The following INF2 variants were observed in gnomAD, a reference collection of about 807,000 sequenced individuals.
The protein encoded by INF2 is inverted formin 2, also known as inverted formin-2.
Under a neutral mutation model 123.5 loss-of-function variants are expected in INF2, and 43 were observed. The observed-to-expected ratio is 0.35, with a 90% confidence interval of 0.27 to 0.45. INF2 has a LOEUF of 0.45. Ranked by LOEUF, INF2 falls within the 20% of genes least tolerant of loss-of-function variation. The pLI is 1.00. For synonymous variants in INF2, 851 were observed against 745.0 expected (o/e 1.14, Z -2.32); for missense variants, 1,453 against 1,682.7 (o/e 0.86, Z 2.39).
Position 104,714,239 on chromosome 14 carries a change from G to T in INF2, c.3077G>T (p.Ser1026Ile). 6.4e-7 allele frequency: 1 copy of T among 1,571,774 alleles called. No individual in the cohort carries two copies. The highest frequency in any genetic ancestry group is 8.6e-7 in the Non-Finnish European group (1 of 1,160,550). The change falls in exon 21 of 23, where the codon AGC becomes ATC. Residue 1026 changes from serine (S) to isoleucine (I), a missense_variant. Coordinates refer to ENST00000392634, the MANE Select transcript of INF2 (RefSeq NM_022489.4). ...TSNPAGDPVGSTRCPASEPGL... is the reference protein window; with the variant it reads ...TSNPAGDPVGITRCPASEPGL... ...AACCCTGCAGGAGATCCCGTGGGCA[G>T]CACGCGCTGTCCCGCCTCTGAGCCC...
At chr14:104,683,786 T>C (rs1357208618) in intron 1 of INF2, among the ~76,000 whole-genome samples, 1 of 151,946 alleles carries the variant, frequency 6.6e-6, no homozygotes, top group African/African-American at 2.4e-5. Context: ...AAGATCCAAT[T>C]CATCAGCCTA....
At chr14:104,713,409 T>A in intron 19 of INF2, 36 bp from the exon 20 acceptor site, 1 of 1,597,784 alleles carries the variant, frequency 6.3e-7, no homozygotes. Flanking sequence ...GGCTCCAGGG[T>A]CCCATGCCGC....
chr14:104,710,477 G>A (rs879259797), intron 13 of INF2, among the ~76,000 whole-genome samples: 76 of 149,000 alleles, frequency 5.1e-4, no homozygotes, highest in Non-Finnish European at 9.8e-4. Flanking sequence ...CGCCACTCAG[G>A]CACGTGCACA....
At chr14:104,687,720 C>A (rs1228946238), upstream of INF2, among the ~76,000 whole-genome samples, 1 of 152,184 alleles carries the variant, frequency 6.6e-6, no homozygotes, top group Non-Finnish European at 1.5e-5. The surrounding 1 kb of genome is among the most constrained non-coding windows in gnomAD (Gnocchi z 5.6). Context: ...GGCCTCCCTC[C>A]CCCATCAGGG....
upstream of INF2, among the ~76,000 whole-genome samples, chr14:104,687,704 G>A (rs1231359666): frequency 6.6e-6 from 1 of 152,184 alleles, no homozygotes; most frequent in African/African-American, 2.4e-5. This position sits in a 1 kb window ranked among gnomAD's most constrained non-coding sequence, Gnocchi z 5.6. Context: ...GGCCCTGGGG[G>A]CGCTGGGCCT....
At chr14:104,691,788 A>G (rs1888966893) in intron 1 of INF2, among the ~76,000 whole-genome samples, 1 of 152,084 alleles carries the variant, frequency 6.6e-6, no homozygotes, top group Admixed American at 6.5e-5. Context: ...GCCCCCTGTT[A>G]GAGAGGCTTC....
chr14:104,686,925 C>T (rs936162135), upstream of INF2, among the ~76,000 whole-genome samples: 1 of 152,246 alleles, frequency 6.6e-6, no homozygotes, highest in Non-Finnish European at 1.5e-5. Flanking sequence ...GAGGCAAGCT[C>T]TCCACAGGCC....
At chr14:104,697,775 A>T (rs954003035) in intron 1 of INF2, among the ~76,000 whole-genome samples, 7 of 152,230 alleles carry the variant, frequency 4.6e-5, no homozygotes, top group African/African-American at 1.7e-4. Flanking sequence ...GCAAGTGCTG[A>T]AGAACCATGG....
At chr14:104,713,716 C>CCAGGGAG in intron 20 of INF2, 110 bp downstream of exon 20, 1 of 1,239,152 alleles carries the variant, frequency 8.1e-7, no homozygotes, top group Non-Finnish European at 1.1e-6. Context: ...CTCCCTGGGC[C>CCAGGGAG]ACCCTGGAGG....
At chr14:104,715,818 G>A in intron 22 of INF2, 1 of 462,588 alleles carries the variant, frequency 2.2e-6, no homozygotes, top group Non-Finnish European at 4.3e-6. Flanking sequence ...GGGGCCTTCT[G>A]GGGCATGTCC....
At chr14:104,694,157 C>G (rs1019509923) in intron 1 of INF2, among the ~76,000 whole-genome samples, 2 of 152,232 alleles carry the variant, frequency 1.3e-5, no homozygotes, top group Non-Finnish European at 2.9e-5. Context: ...GAGCCATGGG[C>G]CGGACCCAGG....
rs769080446 is a variant in INF2 at position 104,703,202 on chromosome 14, C to T, written c.489C>T (p.Asp163=). The change falls in exon 3 of 23, where the codon GAC becomes GAT. Residue 163 remains aspartate (D), a synonymous_variant. Transcript: ENST00000392634. The part of the protein sequence containing the change: ...YSPEGHVLTL[D]ALDHYKTVCS... Reference sequence around the variant, plus strand: ...CCGAGGGCCACGTGCTGACCCTGGACGCCCTGGACCACTACAAGGTGGGCG... The same window carrying T: ...CCGAGGGCCACGTGCTGACCCTGGATGCCCTGGACCACTACAAGGTGGGCG... 57 of 1,613,276 alleles carry T rather than the reference C, an allele frequency of 3.5e-5. No homozygotes were observed. The highest frequency in any genetic ancestry group is 1.6e-4 in the East Asian group (7 of 44,892).
chr14:104,703,583 C>T (rs977109256), intron 4 of INF2, 129 bp downstream of exon 4: 38 of 1,300,086 alleles, frequency 2.9e-5, no homozygotes, highest in Admixed American at 5.4e-5. Flanking sequence ...CAGAGGAAGG[C>T]GCCATCTCGG....
chr14:104,710,449 G>A (rs1300955244), intron 13 of INF2, among the ~76,000 whole-genome samples: 5 of 146,022 alleles, frequency 3.4e-5, no homozygotes, highest in African/African-American at 5.0e-5. Flanking sequence ...TCTCCGGCAC[G>A]CGCACACACA....
upstream of INF2, chr14:104,685,022 A>T (rs1888622451): frequency 6.6e-6 from 1 of 152,224 alleles, no homozygotes. Flanking sequence ...ATCTTATTTT[A>T]TCTCATTTTC....
chr14:104,709,235 T>G (rs754364838), intron 10 of INF2, 46 bp from the exon 11 acceptor site: 6 of 1,450,442 alleles, frequency 4.1e-6, no homozygotes, highest in South Asian at 2.4e-5. Flanking sequence ...TGGGTGGGGG[T>G]GACTCATGAT....
chr14:104,699,884 G>A lies in INF2; in HGVS notation c.-9-1473G>A, dbSNP rs1277545819. Among the ~76,000 whole-genome samples, 2 of 152,178 alleles carry A rather than the reference G, an allele frequency of 1.3e-5. No individual in the cohort carries two copies. The highest frequency in any genetic ancestry group is 2.9e-5 in the Non-Finnish European group (2 of 68,010). On this transcript the variant is annotated intron_variant, in intron 1 of 22. Transcript: ENST00000392634. This position sits in a 1 kb window ranked among gnomAD's most constrained non-coding sequence, Gnocchi z 4.7. ...CAGATCAGAACCCTGGCTTACACCT[G>A]TCAGGCTGCCTCCTGGAAGGAGCCC... is the stretch of plus-strand genomic sequence containing the variant.
Position 104,701,643 on chromosome 14 carries a change from C to A in INF2, c.278C>A (p.Ser93Tyr). The A allele has an allele frequency of 6.3e-7, 1 of 1,598,366 alleles. No individual in the cohort carries two copies. The highest frequency in any genetic ancestry group is 2.2e-5 in the East Asian group (1 of 44,556). ...RLSGRGVARISDALLQLTCVS... is the reference protein window; with the variant it reads ...RLSGRGVARIYDALLQLTCVS... ...TCGGGCCGCGGCGTTGCACGTATCT[C>A]CGACGCCCTGCTGCAGCTCACCTGC... The change falls in exon 2 of 23, where the codon TCC becomes TAC. Residue 93 changes from serine to tyrosine, a missense_variant. Physicochemically the swap from Ser to Tyr is moderately radical, Grantham distance 144. Around this residue, in one of 8 missense-constraint regions of INF2, gnomAD observed 251 missense variants for 349.4 expected, o/e 0.72. Coordinates refer to ENST00000392634, the MANE Select transcript of INF2 (RefSeq NM_022489.4).
chr14:104,700,577 G>A (rs1889429892), intron 1 of INF2, among the ~76,000 whole-genome samples: 1 of 152,206 alleles, frequency 6.6e-6, no homozygotes, highest in African/African-American at 2.4e-5. Flanking sequence ...TGGAGCTGAT[G>A]TCAGAGGTGC....
Sources: allele counts gnomAD v4.1 joint callset (sites outside exome capture counted in the v4.1 genomes callset), GRCh38; gene constraint gnomAD v4.1.1; regional missense constraint gnomAD v4.1.1; non-coding constraint Gnocchi (gnomAD v3.1); transcripts MANE v1.5; gene names NCBI Gene and HGNC (gene_info 2026-07-23, HGNC 2026-07-21).